The following DMD variants were observed in gnomAD, a reference collection of about 807,000 sequenced individuals.
DMD encodes dystrophin, also known as mutant dystrophin.
Under a neutral mutation model 330.1 loss-of-function variants are expected in DMD, and 63 were observed. The ratio of observed to expected loss-of-function variants is 0.19; its 90% confidence interval spans 0.16 to 0.24. The LOEUF is 0.24. Among genes scored for constraint, DMD ranks in the 10% least tolerant of loss-of-function variants. The pLI, the probability that DMD is intolerant of heterozygous loss-of-function variation, is 1.00. For missense variants in DMD, 3,344 were observed against 2,684.1 expected, an observed-to-expected ratio of 1.25 and a Z score of -5.43; for synonymous variants, 1,223 against 959.8, an observed-to-expected ratio of 1.27 and a Z score of -5.07.
chrX:32,707,502 GTT>G (rs1165384029), intron 7 of DMD, among the ~76,000 whole-genome samples: 1 of 111,593 alleles, frequency 9.0e-6, no homozygotes, highest in Non-Finnish European at 1.9e-5. Context: ...GACTTTAGGA[GTT>G]TTAAATAAGA....
At chrX:31,474,703 T>G (rs2067598120) in intron 59 of DMD, among the ~76,000 whole-genome samples, 1 of 81,129 alleles carries the variant, frequency 1.2e-5, no homozygotes, top group Non-Finnish European at 2.3e-5. Context: ...AGCGAGACTG[T>G]CGCAAAAAAA....
chrX:32,088,538 A>G (rs1362973267), intron 44 of DMD, among the ~76,000 whole-genome samples: 1 of 109,652 alleles, frequency 9.1e-6, no homozygotes, highest in Non-Finnish European at 1.9e-5. Context: ...TATTTTTGCC[A>G]TCATAAGCTA....
chrX:31,690,964 G>A (rs1424406714), intron 52 of DMD, among the ~76,000 whole-genome samples: 1 of 110,106 alleles, frequency 9.1e-6, no homozygotes, highest in Non-Finnish European at 1.9e-5. Flanking sequence ...ACCGGGGCCT[G>A]TCGTGGGGTG....
intron 9 of DMD, 50 bp from the exon 10 acceptor site, chrX:32,645,202 T>C: frequency 8.7e-7 from 1 of 1,147,966 alleles, no homozygotes; most frequent in Non-Finnish European, 1.2e-6. Context: ...CTTTGCAGAT[T>C]GTTCCAGTAC....
At chrX:33,277,197 T>C (rs2053249018) in intron 1 of DMD, among the ~76,000 whole-genome samples, 1 of 111,073 alleles carries the variant, frequency 9.0e-6, no homozygotes, top group Non-Finnish European at 1.9e-5. Context: ...ATGATTCCAT[T>C]GACATGAAGA....
At chrX:32,029,967 CAG>C (rs1307921764) in intron 44 of DMD, among the ~76,000 whole-genome samples, 3 of 111,546 alleles carry the variant, frequency 2.7e-5, no homozygotes, top group Admixed American at 9.5e-5. Context: ...ATCCTGGTCT[CAG>C]AGATAAAATG....
chrX:33,276,993 ATG>A lies in DMD; in HGVS notation c.7+62264_7+62265del, dbSNP rs984292854. Among the ~76,000 whole-genome samples, 3 of 111,830 alleles carry A rather than the reference ATG, an allele frequency of 2.7e-5. No individual in the cohort carries two copies. The Admixed American group carries it at 2.9e-4, about 11-fold the overall frequency. ...TATGTACGTATACATTTGTGTGTGT[ATG>A]TGTGTGTGTATATATAGTTATACTC... On this transcript the variant is annotated intron_variant, in intron 1 of 17. Coordinates refer to the DMD transcript ENST00000288447.
intron 7 of DMD, among the ~76,000 whole-genome samples, chrX:32,791,285 C>A (rs2075801507): frequency 5.4e-5 from 6 of 111,959 alleles, no homozygotes; most frequent in Non-Finnish European, 5.6e-5. Context: ...CCTGTGTACC[C>A]ACCCAGCCCA....
intron 60 of DMD, among the ~76,000 whole-genome samples, chrX:31,372,298 A>C (rs979253844): frequency 1.8e-5 from 2 of 112,303 alleles, no homozygotes; most frequent in Non-Finnish European, 3.8e-5. Context: ...GGCATAGAGT[A>C]CAAGTAGAAA....
intron 54 of DMD, among the ~76,000 whole-genome samples, chrX:31,653,522 G>C (rs934249201): frequency 3.6e-5 from 4 of 109,773 alleles, no homozygotes. Context: ...TTTGTACCTG[G>C]CTAGTTGGCA....
At chrX:32,517,836 C>G in intron 18 of DMD, 172 bp downstream of exon 18, 1 of 548,693 alleles carries the variant, frequency 1.8e-6, no homozygotes, top group East Asian at 3.6e-5. Context: ...AAAGATTTCT[C>G]TAGGCTAAAC....
Position 31,991,150 on chromosome X carries a change from C to T in DMD, c.6439-22636G>A, listed in dbSNP as rs112779499. Among the ~76,000 whole-genome samples, 805 of 111,681 alleles carry T rather than the reference C, an allele frequency of 7.2e-3. 8 individuals are homozygous for T. The highest frequency in any genetic ancestry group is 0.021 in the African/African-American group (649 of 30,767). ...GCATAATATTGAGATTATATTAAAA[C>T]AGGCATTGAATATCAGGAAGGGTGA... On this transcript the variant is annotated intron_variant, in intron 44 of 78. Transcript: ENST00000357033.
At chrX:31,617,619 T>C (rs1274797391) in intron 55 of DMD, among the ~76,000 whole-genome samples, 2 of 110,072 alleles carry the variant, frequency 1.8e-5, no homozygotes, top group Non-Finnish European at 3.8e-5. Flanking sequence ...TTATACCCTG[T>C]TGGTGGGAAT....
intron 59 of DMD, among the ~76,000 whole-genome samples, chrX:31,477,073 T>C (rs887605324): frequency 4.5e-5 from 5 of 111,745 alleles, no homozygotes; most frequent in African/African-American, 1.6e-4. Flanking sequence ...ACAAATGAAC[T>C]TGGTTTCAGA....
intron 76 of DMD, among the ~76,000 whole-genome samples, chrX:31,140,548 A>C (rs1405622178): frequency 8.9e-6 from 1 of 111,989 alleles, no homozygotes; most frequent in African/African-American, 3.3e-5. Context: ...ATTTTTTTCC[A>C]TATGATATAG....
Position 31,886,149 on chromosome X carries a change from G to A in DMD, c.6913-10776C>T, listed in dbSNP as rs780303042. ...AAAATTTAATGTAAATGCTGAATTC[G>A]GAAACTTCTGTACTTAAAAAATAAA... On this transcript the variant is annotated intron_variant, in intron 47 of 78. Coordinates refer to ENST00000357033, the MANE Select transcript of DMD (RefSeq NM_004006.3). Among the ~76,000 whole-genome samples the A allele has an allele frequency of 4.5e-5, 5 of 110,310 alleles. No individual in the cohort carries two copies. The East Asian group carries it at 1.1e-3, about 25-fold the overall frequency.
chrX:31,443,836 CT>C (rs754273702), intron 60 of DMD, among the ~76,000 whole-genome samples: 2 of 111,754 alleles, frequency 1.8e-5, no homozygotes, highest in Non-Finnish European at 3.8e-5. Flanking sequence ...CAATTCACAT[CT>C]TCCATCATGA....
chrX:32,770,362 C>G (rs1232764145), intron 7 of DMD, among the ~76,000 whole-genome samples: 4 of 111,315 alleles, frequency 3.6e-5, no homozygotes. Context: ...GTAAATTCCT[C>G]TAGTATTGCT....
intron 44 of DMD, among the ~76,000 whole-genome samples, chrX:31,997,532 C>T (rs985321280): frequency 6.4e-5 from 7 of 109,019 alleles, no homozygotes; most frequent in African/African-American, 2.3e-4. Context: ...ATTAAGGATA[C>T]TTTCAGAGCC....
Sources: allele counts gnomAD v4.1 joint callset (sites outside exome capture counted in the v4.1 genomes callset), GRCh38; gene constraint gnomAD v4.1.1; transcripts MANE v1.5; gene names NCBI Gene and HGNC (gene_info 2026-07-23, HGNC 2026-07-21).